Variants in ZSCAN5A observed in about 807,000 individuals in gnomAD.
ZSCAN5A encodes zinc finger and SCAN domain-containing protein 5A.
In ZSCAN5A, 12 loss-of-function variants were observed where a neutral mutation model predicts 23.7. The ratio of observed to expected loss-of-function variants is 0.51; its 90% confidence interval spans 0.32 to 0.82. ZSCAN5A has a LOEUF of 0.82. Among genes scored for constraint, ZSCAN5A ranks in the 40% least tolerant of loss-of-function variants. The pLI, the probability that ZSCAN5A is intolerant of heterozygous loss-of-function variation, is 0.03. For synonymous variants in ZSCAN5A, 257 were observed against 239.9 expected, an observed-to-expected ratio of 1.07 and a Z score of -0.66; for missense variants, 597 against 617.9, an observed-to-expected ratio of 0.97 and a Z score of 0.36.
At chr19:56,256,829 G>T (rs2036730676) in intron 2 of ZSCAN5A, among the ~76,000 whole-genome samples, 1 of 152,042 alleles carries the variant, frequency 6.6e-6, no homozygotes, top group Non-Finnish European at 1.5e-5. Flanking sequence ...TGAAGCAGAA[G>T]AAATGTTTGA....
chr19:56,223,736 C>A lies in ZSCAN5A; in HGVS notation c.483G>T (p.Val161=). Residue 161 remains valine (V), a synonymous_variant, in exon 4 of 6, where the codon GTG becomes GTT. Transcript: ENST00000683990. ...TCACCGAGGAGGCCCGTTGGCTGGACACGTCTTTCAGATCATCTCTGACAC... is the reference window on the plus strand; with the variant it reads ...TCACCGAGGAGGCCCGTTGGCTGGAAACGTCTTTCAGATCATCTCTGACAC... The part of the protein sequence containing the change: ...PSSVRDDLKD[V]SSQRASSVNQ... The A allele has an allele frequency of 1.2e-6, 2 of 1,614,034 alleles. No individual in the cohort carries two copies. The highest frequency in any genetic ancestry group is 1.7e-6 in the Non-Finnish European group (2 of 1,180,012).
intron 2 of ZSCAN5A, among the ~76,000 whole-genome samples, chr19:56,254,474 A>G (rs965438405): frequency 6.6e-6 from 1 of 152,184 alleles, no homozygotes; most frequent in Non-Finnish European, 1.5e-5. Flanking sequence ...TCCATTGTAC[A>G]GATGGACCAT....
At chr19:56,307,788 A>G (rs1600252498) in intron 2 of ZSCAN5A, among the ~76,000 whole-genome samples, 1 of 152,226 alleles carries the variant, frequency 6.6e-6, no homozygotes, top group African/African-American at 2.4e-5. Flanking sequence ...TCCATGTGCT[A>G]TATTTTGGGT....
At chr19:56,299,007 C>T (rs896640367) in intron 2 of ZSCAN5A, among the ~76,000 whole-genome samples, 2 of 152,152 alleles carry the variant, frequency 1.3e-5, no homozygotes, top group African/African-American at 2.4e-5. Flanking sequence ...TTTATTCCAG[C>T]AATGCGACAA....
intron 2 of ZSCAN5A, among the ~76,000 whole-genome samples, chr19:56,341,701 G>GAAAAAA (rs1568760130): frequency 1.3e-4 from 4 of 29,726 alleles, no homozygotes; most frequent in African/African-American, 2.2e-4. Flanking sequence ...TTACCAAAAG[G>GAAAAAA]CAAAAAAAAA....
intron 2 of ZSCAN5A, among the ~76,000 whole-genome samples, chr19:56,243,322 T>G (rs1194229639): frequency 1.3e-5 from 2 of 152,188 alleles, no homozygotes; most frequent in African/African-American, 4.8e-5. Flanking sequence ...GGTGCATGCA[T>G]GTCTTAGTGC....
At chr19:56,334,141 C>T (rs1046166442) in intron 2 of ZSCAN5A, among the ~76,000 whole-genome samples, 2 of 152,188 alleles carry the variant, frequency 1.3e-5, no homozygotes, top group African/African-American at 2.4e-5. Flanking sequence ...GACACAAGCA[C>T]CAGTGTCAAC....
At chr19:56,364,266 C>T (rs2041751338) in intron 1 of ZSCAN5A, among the ~76,000 whole-genome samples, 1 of 151,992 alleles carries the variant, frequency 6.6e-6, no homozygotes, top group Non-Finnish European at 1.5e-5. Flanking sequence ...CTTTTTGAAC[C>T]AAGCAATGTA....
chr19:56,343,064 T>G, intron 2 of ZSCAN5A: 1 of 812,880 alleles, frequency 1.2e-6, no homozygotes, highest in South Asian at 1.3e-5. Context: ...CTTGGCTTGT[T>G]CCAGCAAGAC....
chr19:56,295,085 A>C (rs2039775792), intron 2 of ZSCAN5A: 1 of 152,192 alleles, frequency 6.6e-6, no homozygotes, highest in Non-Finnish European at 1.5e-5. Context: ...AACGTTCTAA[A>C]ATTGTTTGTG....
chr19:56,276,583 C>A (rs2038284746), intron 2 of ZSCAN5A, among the ~76,000 whole-genome samples: 1 of 150,664 alleles, frequency 6.6e-6, no homozygotes, highest in Admixed American at 6.7e-5. Context: ...GTCGCCCAGG[C>A]TGGAGTGTAG....
intron 2 of ZSCAN5A, among the ~76,000 whole-genome samples, chr19:56,249,396 TG>T (rs776783456): frequency 1.5e-4 from 23 of 152,170 alleles, no homozygotes; most frequent in Non-Finnish European, 3.2e-4. Context: ...CTCAGCCTTC[TG>T]AGTAGCTGCA....
chr19:56,312,112 G>A (rs2041076074), intron 2 of ZSCAN5A: 1 of 152,096 alleles, frequency 6.6e-6, no homozygotes, highest in Non-Finnish European at 1.5e-5. Flanking sequence ...AATTATTAAT[G>A]AGATCAGTTA....
chr19:56,336,257 A>G (rs1198196994), intron 2 of ZSCAN5A, among the ~76,000 whole-genome samples: 1 of 152,172 alleles, frequency 6.6e-6, no homozygotes, highest in African/African-American at 2.4e-5. Context: ...AGATAGTCCC[A>G]TATTTCTTGG....
At chr19:56,307,263 T>A (rs1340606974) in intron 2 of ZSCAN5A, among the ~76,000 whole-genome samples, 1 of 152,194 alleles carries the variant, frequency 6.6e-6, no homozygotes, top group Non-Finnish European at 1.5e-5. Flanking sequence ...CCCAGTGCCC[T>A]TTTTACATTA....
intron 2 of ZSCAN5A, among the ~76,000 whole-genome samples, chr19:56,328,660 G>A (rs1447779284): frequency 6.8e-6 from 1 of 148,044 alleles, no homozygotes; most frequent in Non-Finnish European, 1.5e-5. Context: ...TCCAAAAAAT[G>A]GGTAAAATAT....
Position 56,303,102 on chromosome 19 carries a change from A to C in ZSCAN5A, c.-128+10181T>G, listed in dbSNP as rs1209990726. On this transcript the variant is annotated intron_variant, in intron 2 of 5. Coordinates refer to ENST00000683990, the MANE Select transcript of ZSCAN5A (RefSeq NM_001322064.3). ...GTTAAGGACAGAATGGAATTAGCCA[A>C]TTGAGGAGGGGAAGCAGGGGAAGCA... The C allele has an allele frequency of 1.6e-5, 6 of 383,128 alleles. No individual in the cohort carries two copies. In the South Asian group the frequency reaches 7.3e-4, roughly 46 times the overall value. The allele number at this position is 383,128 out of a possible 1,614,324, so 23.7% of individuals were successfully genotyped here. A position where few individuals can be genotyped will look rare whatever the true frequency, so the allele number is the denominator to read the frequency against.
At chr19:56,321,817 G>C (rs952866454) in intron 2 of ZSCAN5A, 4 of 1,060,996 alleles carry the variant, frequency 3.8e-6, no homozygotes, top group African/African-American at 3.1e-5. Context: ...GCCACCACTT[G>C]TAAACTGGAA....
chr19:56,340,727 T>C (rs1463132227), intron 2 of ZSCAN5A: 2 of 152,214 alleles, frequency 1.3e-5, no homozygotes, highest in Non-Finnish European at 2.9e-5. Flanking sequence ...TTCTGTGGAA[T>C]AAGAAGGAGA....
Sources: gnomAD v4.1 joint callset for allele counts (sites outside exome capture counted in the v4.1 genomes callset) on GRCh38, gnomAD v4.1.1 for gene constraint, MANE v1.5 for transcripts, NCBI Gene and HGNC (gene_info 2026-07-23, HGNC 2026-07-21) for gene names.